The following GALNT1 variants were observed in gnomAD, a reference collection of about 807,000 sequenced individuals.
GALNT1 encodes the protein GalNAc transferase 1.
GALNT1 carries 17 observed loss-of-function variants against 65.7 expected under a neutral mutation model. The ratio of observed to expected loss-of-function variants is 0.26; its 90% CI spans 0.18 to 0.39. GALNT1 has a LOEUF of 0.39. GALNT1 is among the 10% of genes least tolerant of loss of function. GALNT1 has a pLI of 1.00. For synonymous variants in GALNT1, 210 were observed against 219.7 expected, an observed-to-expected ratio of 0.96 and a Z score of 0.39; for missense variants, 460 against 672.8, an observed-to-expected ratio of 0.68 and a Z score of 3.50.
In GALNT1 at chr18:35,658,095, A is replaced by G. The variant is rs75512083; in HGVS notation, c.139+3294A>G. On this transcript the variant is annotated intron_variant, in intron 2 of 11. Coordinates refer to ENST00000269195, the MANE Select transcript of GALNT1 (RefSeq NM_020474.4). The stretch of plus-strand genomic sequence containing the variant: ...TTCAAAGAAAAAGACTGGGTTTTGT[A>G]CAAAAGTACAAGCTAAAGGAGCAAA... 8.0e-4 allele frequency among the ~76,000 whole-genome samples: 122 copies of G among 152,346 alleles called. 2 individuals are homozygous for G. In the East Asian group the frequency reaches 0.019, roughly 24 times the overall value.
At chr18:35,672,576 T>C (rs1358112727) in intron 3 of GALNT1, among the ~76,000 whole-genome samples, 1 of 152,146 alleles carries the variant, frequency 6.6e-6, no homozygotes, top group African/African-American at 2.4e-5. Flanking sequence ...GCCCAGATCT[T>C]CCTGTCTGCC....
At position 35,654,775 on chromosome 18, in the gene GALNT1, A is replaced by C; in HGVS notation, c.113A>C (p.Lys38Thr). ...GAATGCAACAAATGTGATGAAAAAA[A>C]GGAGAGAGGACTTCCTGCTGGAGAT... Reference protein sequence around the residue: ...FSECNKCDEKKERGLPAGDVL... With the variant: ...FSECNKCDEKTERGLPAGDVL... The change falls in exon 2 of 12, where the codon AAG (lysine) becomes ACG (threonine). Residue 38 changes from lysine (K) to threonine (T), a missense_variant. Lys to Thr is a moderately conservative substitution (Grantham distance 78). Coordinates refer to ENST00000269195, the MANE Select transcript of GALNT1 (RefSeq NM_020474.4). 1 of 1,557,366 alleles carries C rather than the reference A, an allele frequency of 6.4e-7. No homozygotes were observed. The highest frequency in any genetic ancestry group is 8.7e-7 in the Non-Finnish European group (1 of 1,148,476).
At chr18:35,695,268 TGGGTGG>T (rs768851400) in intron 9 of GALNT1, among the ~76,000 whole-genome samples, 1 of 108,646 alleles carries the variant, frequency 9.2e-6, no homozygotes, top group Admixed American at 1.1e-4. Flanking sequence ...TAGAGGGTGT[TGGGTGG>T]GGGTGGGAAG....
At chr18:35,655,284 A>G (rs1054617696) in intron 2 of GALNT1, among the ~76,000 whole-genome samples, 10 of 151,590 alleles carry the variant, frequency 6.6e-5, no homozygotes, top group African/African-American at 2.4e-4. Flanking sequence ...AGCTGCAGTT[A>G]GCACTTTTAG....
intron 9 of GALNT1, among the ~76,000 whole-genome samples, chr18:35,695,789 G>A (rs1237324952): frequency 6.6e-6 from 1 of 152,174 alleles, no homozygotes; most frequent in East Asian, 1.9e-4. Flanking sequence ...TTCCTTTGCT[G>A]TGACCTCGTA....
chr18:35,582,864 T>C lies in GALNT1; in HGVS notation c.-104+1002T>C, dbSNP rs377481635. Among the ~76,000 whole-genome samples the C allele has an allele frequency of 7.6e-4, 116 of 152,336 alleles. 2 individuals carry two copies. The East Asian group carries it at 0.013, about 17-fold the overall frequency. On this transcript the variant is annotated intron_variant, in intron 1 of 11. Coordinates refer to ENST00000269195, the MANE Select transcript of GALNT1 (RefSeq NM_020474.4). Reference sequence around the variant, plus strand: ...TTTACATCACATCTGTGTCCAGACCTGGACTGTCCAGCGTGGGAGCCACTA... The same window carrying C: ...TTTACATCACATCTGTGTCCAGACCCGGACTGTCCAGCGTGGGAGCCACTA...
At chr18:35,693,305 C>T (rs141425367) in intron 9 of GALNT1, among the ~76,000 whole-genome samples, 25 of 152,158 alleles carry the variant, frequency 1.6e-4, no homozygotes, top group African/African-American at 4.8e-4. Context: ...GTACTTAGCG[C>T]GTTCCAGAAA....
At chr18:35,632,931 A>C (rs906380754) in intron 1 of GALNT1, among the ~76,000 whole-genome samples, 1 of 152,186 alleles carries the variant, frequency 6.6e-6, no homozygotes, top group Non-Finnish European at 1.5e-5. Flanking sequence ...ATGCAGCCAA[A>C]AGACACATGA....
At chr18:35,671,189 A>G (rs1254326810) in intron 3 of GALNT1, among the ~76,000 whole-genome samples, 1 of 152,078 alleles carries the variant, frequency 6.6e-6, no homozygotes, top group South Asian at 2.1e-4. Flanking sequence ...GCAGCCTACC[A>G]TTGAAGGGAC....
In GALNT1 at chr18:35,703,625, C is replaced by A. The variant is rs530236761; in HGVS notation, c.1515C>A (p.Leu505=). Residue 505 remains leucine (L), a synonymous_variant, in exon 11 of 12, where the codon CTC becomes CTA. Transcript: ENST00000269195. ...LKCHHLKGNQ[L]WEYDPVKLTL... ...GCCACCACCTAAAAGGCAACCAACT[C>A]TGGGAGTATGACCCAGTGGTAAGTT... 98 of 1,613,842 alleles carry A rather than the reference C, an allele frequency of 6.1e-5. No individual in the cohort carries two copies. The highest frequency in any genetic ancestry group is 7.9e-5 in the Non-Finnish European group (93 of 1,179,946).
intron 1 of GALNT1, among the ~76,000 whole-genome samples, chr18:35,647,005 A>G (rs918041517): frequency 3.3e-5 from 5 of 152,170 alleles, no homozygotes; most frequent in Non-Finnish European, 1.5e-5. Flanking sequence ...CCAGCTGTAC[A>G]AGCTAGGATT....
intron 1 of GALNT1, among the ~76,000 whole-genome samples, chr18:35,637,262 A>T (rs2047103470): frequency 6.6e-6 from 1 of 152,232 alleles, no homozygotes; most frequent in African/African-American, 2.4e-5. Context: ...TAGAAAAGAT[A>T]ACGCTTAGTG....
chr18:35,689,209 CAG>C lies in GALNT1; in HGVS notation c.901_902del (p.Asp301LeufsTer9). 1.2e-6 allele frequency: 2 copies of C among 1,612,566 alleles called. No individual in the cohort carries two copies. The highest frequency in any genetic ancestry group is 1.7e-6 in the Non-Finnish European group (2 of 1,179,050). ...TGGCAGGAGGCCTTTTTTCAATAGA[CAG>C]AGATTACTTTCAGGAAATTGGAACA... ...TMAGGLFSID[R>X]DYFQEIGTYD... On this transcript the variant is annotated frameshift_variant, in exon 7 of 12. Coordinates refer to ENST00000269195, the MANE Select transcript of GALNT1 (RefSeq NM_020474.4). LOFTEE classifies it high-confidence loss of function.
intron 1 of GALNT1, among the ~76,000 whole-genome samples, chr18:35,595,132 G>A (rs2046489426): frequency 6.6e-6 from 1 of 152,088 alleles, no homozygotes; most frequent in South Asian, 2.1e-4. Flanking sequence ...AGATTCTCCT[G>A]TTACAATATG....
intron 1 of GALNT1, among the ~76,000 whole-genome samples, chr18:35,638,098 G>A (rs368228484): frequency 6.6e-6 from 1 of 152,296 alleles, no homozygotes; most frequent in East Asian, 1.9e-4. Flanking sequence ...ATGGAGGTGT[G>A]TGATGAGAAT....
At chr18:35,671,323 C>T (rs1255274659) in intron 3 of GALNT1, among the ~76,000 whole-genome samples, 1 of 152,146 alleles carries the variant, frequency 6.6e-6, no homozygotes, top group African/African-American at 2.4e-5. Context: ...CTCAAACAAT[C>T]ATCCGACCTC....
chr18:35,581,419 G>A (rs1421219964), upstream of GALNT1: 5 of 147,668 alleles, frequency 3.4e-5, no homozygotes, highest in East Asian at 8.0e-4. Flanking sequence ...CGCAGCGGAG[G>A]GGGCGCGCAT....
intron 3 of GALNT1, 72 bp downstream of exon 3, chr18:35,663,874 G>C: frequency 7.0e-7 from 1 of 1,420,302 alleles, no homozygotes; most frequent in African/African-American, 1.4e-5. Context: ...AATTGCACTT[G>C]AGTGCTGATT....
chr18:35,680,796 C>A (rs1054069557), intron 4 of GALNT1, among the ~76,000 whole-genome samples: 1 of 152,068 alleles, frequency 6.6e-6, no homozygotes, highest in African/African-American at 2.4e-5. Flanking sequence ...AGAGCCTGAC[C>A]TCTTAATTGC....
Sources: gnomAD v4.1 joint callset for allele counts (sites outside exome capture counted in the v4.1 genomes callset) on GRCh38, gnomAD v4.1.1 for gene constraint, MANE v1.5 for transcripts, NCBI Gene and HGNC (gene_info 2026-07-23, HGNC 2026-07-21) for gene names.